RBFOX1: variants seen among roughly 807,000 people sequenced by gnomAD.
RBFOX1 encodes the protein RNA binding fox-1 homolog 1, also known as RNA binding protein fox-1 homolog 1.
RBFOX1 carries 8 observed loss-of-function variants against 57.7 expected under a neutral mutation model. The observed-to-expected ratio is 0.14, with a 90% CI of 0.08 to 0.25. The LOEUF is 0.25. RBFOX1 is among the 10% of genes least tolerant of loss of function. The pLI is 1.00. For missense variants in RBFOX1, 611 were observed against 548.5 expected (o/e 1.11, Z -1.14); for synonymous variants, 326 against 222.4 (o/e 1.47, Z -4.15).
intron 3 of RBFOX1, among the ~76,000 whole-genome samples, chr16:5,637,170 G>A (rs983528459): frequency 5.3e-5 from 8 of 152,272 alleles, no homozygotes; most frequent in African/African-American, 1.4e-4. Context: ...AAGCTGTCAC[G>A]CAGGGCAGCA....
chr16:6,626,718 C>G (rs989403572), intron 2 of RBFOX1, among the ~76,000 whole-genome samples: 2 of 151,896 alleles, frequency 1.3e-5, no homozygotes, highest in Non-Finnish European at 2.9e-5. Flanking sequence ...CAAGATTGCA[C>G]CACAGCACCC....
chr16:6,554,846 A>G (rs2097067580), intron 2 of RBFOX1, among the ~76,000 whole-genome samples: 4 of 148,920 alleles, frequency 2.7e-5, no homozygotes. Flanking sequence ...TCTCCCTCTC[A>G]CTCTCGCTCT....
At chr16:7,202,244 A>T (rs1395609283) in intron 4 of RBFOX1, among the ~76,000 whole-genome samples, 1 of 152,014 alleles carries the variant, frequency 6.6e-6, no homozygotes, top group African/African-American at 2.4e-5. Flanking sequence ...TAGAGAAAAG[A>T]CAAATAAAAA....
intron 4 of RBFOX1, among the ~76,000 whole-genome samples, chr16:7,474,074 G>T (rs1023985640): frequency 3.9e-5 from 6 of 152,106 alleles, no homozygotes; most frequent in Non-Finnish European, 7.4e-5. Context: ...GGATCACGAG[G>T]TCAGGAGTTT....
At chr16:5,326,478 A>G (rs375682656) in intron 1 of RBFOX1, among the ~76,000 whole-genome samples, 1 of 152,206 alleles carries the variant, frequency 6.6e-6, no homozygotes, top group Admixed American at 6.5e-5. Flanking sequence ...TTGCTCAATA[A>G]TAACCTCTTC....
At chr16:7,688,373 A>G (rs1456222324) in intron 14 of RBFOX1, among the ~76,000 whole-genome samples, 1 of 152,016 alleles carries the variant, frequency 6.6e-6, no homozygotes, top group Non-Finnish European at 1.5e-5. Flanking sequence ...ATGTAACAGA[A>G]TTAAGAAGCC....
chr16:5,342,112 G>A (rs997098000), intron 1 of RBFOX1, among the ~76,000 whole-genome samples: 1 of 152,202 alleles, frequency 6.6e-6, no homozygotes, highest in Admixed American at 6.5e-5. Context: ...CGTACCTGTT[G>A]ACCTATTGGA....
intron 4 of RBFOX1, among the ~76,000 whole-genome samples, chr16:7,261,505 A>C (rs937013779): frequency 6.6e-6 from 1 of 152,148 alleles, no homozygotes; most frequent in Non-Finnish European, 1.5e-5. Context: ...CAAAGGGAAC[A>C]CTTGATCAGC....
At chr16:6,092,597 T>C (rs980921456) in intron 1 of RBFOX1, 1 of 152,262 alleles carries the variant, frequency 6.6e-6, no homozygotes, top group Non-Finnish European at 1.5e-5. Context: ...AGTTACAGTC[T>C]TCTGCATATG....
In RBFOX1 at chr16:6,384,102, C is replaced by T. The variant is rs548101972; in HGVS notation, c.-64+67045C>T. 7.1e-4 allele frequency among the ~76,000 whole-genome samples: 84 copies of T among 117,872 alleles called. 1 individual carries two copies. The Middle Eastern group carries it at 0.015, about 21-fold the overall frequency. The allele number at this position is 117,872 out of a possible 152,430, so 77.3% of individuals were successfully genotyped here. A position where few individuals can be genotyped will look rare whatever the true frequency, so the allele number is the denominator to read the frequency against. On this transcript the variant is annotated intron_variant, in intron 2 of 15. Coordinates refer to ENST00000550418, the MANE Select transcript of RBFOX1 (RefSeq NM_018723.4). The stretch of plus-strand genomic sequence containing the variant: ...TTCTTCTAAGATGTTGCTAAATTTG[C>T]TTGTAAAGTTTTGTTTATTCATTGG...
chr16:6,146,445 C>A (rs2096758820), intron 1 of RBFOX1, among the ~76,000 whole-genome samples: 1 of 152,054 alleles, frequency 6.6e-6, no homozygotes, highest in South Asian at 2.1e-4. Context: ...GGGAGCTGTC[C>A]TGTACATTGT....
intron 4 of RBFOX1, among the ~76,000 whole-genome samples, chr16:7,306,926 C>G (rs751960574): frequency 2.6e-5 from 4 of 152,144 alleles, no homozygotes; most frequent in Non-Finnish European, 4.4e-5. Context: ...TGCCTTTAAT[C>G]TGTAGCTATT....
intron 2 of RBFOX1, among the ~76,000 whole-genome samples, chr16:6,375,914 G>A (rs991703703): frequency 2.0e-5 from 3 of 152,102 alleles, no homozygotes; most frequent in Admixed American, 1.3e-4. Flanking sequence ...GTCTTTCTGT[G>A]CTTTGAGGGA....
intron 1 of RBFOX1, among the ~76,000 whole-genome samples, chr16:5,299,298 G>A (rs2063749477): frequency 6.6e-6 from 1 of 151,860 alleles, no homozygotes; most frequent in Admixed American, 6.6e-5. Context: ...TTGATAAGTA[G>A]CAGTCCATTG....
At chr16:5,938,889 C>G (rs1302380457) in intron 4 of RBFOX1, among the ~76,000 whole-genome samples, 1 of 152,144 alleles carries the variant, frequency 6.6e-6, no homozygotes, top group Non-Finnish European at 1.5e-5. Flanking sequence ...TTTTAAACCA[C>G]TAAATTTTGG....
At chr16:6,216,676 C>T (rs562577821) in intron 1 of RBFOX1, among the ~76,000 whole-genome samples, 6 of 152,026 alleles carry the variant, frequency 3.9e-5, no homozygotes, top group African/African-American at 9.7e-5. Flanking sequence ...TTTATTTTTT[C>T]GCTTAGACAG....
intron 4 of RBFOX1, among the ~76,000 whole-genome samples, chr16:7,141,521 C>T (rs1449825425): frequency 6.6e-6 from 1 of 152,192 alleles, no homozygotes; most frequent in African/African-American, 2.4e-5. Context: ...TGCTAGAGTG[C>T]ATCAAGGATC....
At chr16:6,033,441 C>T (rs1434563151) in intron 1 of RBFOX1, among the ~76,000 whole-genome samples, 1 of 152,196 alleles carries the variant, frequency 6.6e-6, no homozygotes, top group East Asian at 1.9e-4. Flanking sequence ...TATAGTTTCT[C>T]ATGCACCCTT....
At chr16:6,131,038 A>G (rs1334946224) in intron 1 of RBFOX1, among the ~76,000 whole-genome samples, 3 of 152,196 alleles carry the variant, frequency 2.0e-5, no homozygotes, top group African/African-American at 7.2e-5. Context: ...AAAGAGCGTA[A>G]GAGGCCAGAT....
Sources: allele counts gnomAD v4.1 joint callset (sites outside exome capture counted in the v4.1 genomes callset), GRCh38; gene constraint gnomAD v4.1.1; transcripts MANE v1.5; gene names NCBI Gene and HGNC (gene_info 2026-07-23, HGNC 2026-07-21).